The following FYB2 variants were observed in gnomAD, a reference collection of about 807,000 sequenced individuals.
FYB2 encodes the protein FYN binding protein 2.
Under a neutral mutation model 94.1 loss-of-function variants are expected in FYB2, and 103 were observed. The observed-to-expected ratio is 1.09, with a 90% confidence interval of 0.93 to 1.29. FYB2 has a LOEUF of 1.29. FYB2 is among the 50% of genes most tolerant of loss of function. The probability of loss-of-function intolerance (pLI) is 0.00; values close to 1 mark genes in which losing one functional copy is unlikely to be tolerated. For missense variants in FYB2, 896 were observed against 841.5 expected, an observed-to-expected ratio of 1.06 and a Z score of -0.80; for synonymous variants, 293 against 287.9, an observed-to-expected ratio of 1.02 and a Z score of -0.18.
At chr1:56,790,053 A>G (rs1237152589) in intron 2 of FYB2, among the ~76,000 whole-genome samples, 3 of 152,180 alleles carry the variant, frequency 2.0e-5, no homozygotes, top group Non-Finnish European at 4.4e-5. Context: ...AGAAAGTCCA[A>G]TATTATATAT....
chr1:56,736,424 C>CTTTTTT (rs59242700), intron 15 of FYB2, among the ~76,000 whole-genome samples: 9 of 119,986 alleles, frequency 7.5e-5, no homozygotes, highest in South Asian at 2.7e-4. Flanking sequence ...TTAAGGATGG[C>CTTTTTT]TTTTTTTTTT....
Position 56,723,572 on chromosome 1 carries a change from T to A in FYB2, c.1974+16A>T. 1.4e-6 allele frequency: 2 copies of A among 1,439,976 alleles called. No homozygotes were observed. Among genetic ancestry groups the A allele is most frequent in the Non-Finnish European group, 1.9e-6 (2 of 1,049,588 alleles). 89.2% of individuals were successfully genotyped at this position (1,439,976 alleles called of 1,614,324 possible). Reference sequence around the variant, plus strand: ...CTGTTAATATTGCTAATTTTTACCTTCAGAAGAGAACGTACCTTAAACCTT... The same window carrying A: ...CTGTTAATATTGCTAATTTTTACCTACAGAAGAGAACGTACCTTAAACCTT... On this transcript the variant is annotated intron_variant, in intron 17 of 19. Transcript: ENST00000343433.
chr1:56,793,447 T>C (rs1032115190), intron 1 of FYB2, among the ~76,000 whole-genome samples: 4 of 151,984 alleles, frequency 2.6e-5, no homozygotes, highest in African/African-American at 9.6e-5. Flanking sequence ...AAAATATAAC[T>C]CCATTAAAAA....
rs374376375 is a variant in FYB2 at position 56,720,356 on chromosome 1, C to A, written c.1975-27G>T. On this transcript the variant is annotated intron_variant, in intron 17 of 19. Transcript: ENST00000343433. ...TGAAATGAGAAATTACTAATCAGAC[C>A]ATTCTTGCATAGTTGTTATTTTTCA... 305 of 1,553,650 alleles carry A rather than the reference C, an allele frequency of 2.0e-4. No homozygotes were observed. In the Middle Eastern group the frequency reaches 2.5e-3, roughly 13 times the overall value.
chr1:56,755,750 T>A, intron 7 of FYB2, 146 bp downstream of exon 7: 1 of 717,482 alleles, frequency 1.4e-6, no homozygotes. Flanking sequence ...TCACTTCCTC[T>A]GTACTAGGCA....
chr1:56,755,685 G>A (rs746252271), intron 7 of FYB2, among the ~76,000 whole-genome samples: 2 of 152,100 alleles, frequency 1.3e-5, no homozygotes, highest in African/African-American at 2.4e-5. Flanking sequence ...AATGTTTGCT[G>A]AGTGCAGCAT....
the FYB2 span, among the ~76,000 whole-genome samples, chr1:56,825,522 C>A: frequency 1.3e-5 from 2 of 152,174 alleles, no homozygotes; most frequent in Non-Finnish European, 2.9e-5. Flanking sequence ...CCAAGATACA[C>A]AGCGGGGAAC....
intron 7 of FYB2, 28 bp from the exon 8 acceptor site, chr1:56,753,963 A>AC: frequency 6.9e-7 from 1 of 1,456,134 alleles, no homozygotes; most frequent in East Asian, 2.3e-5. Context: ...ACCAGGAAAA[A>AC]AATGAAGCTT....
At chr1:56,735,376 C>A (rs1412941459) in intron 15 of FYB2, among the ~76,000 whole-genome samples, 1 of 152,054 alleles carries the variant, frequency 6.6e-6, no homozygotes, top group Non-Finnish European at 1.5e-5. Flanking sequence ...TTAAGCACGA[C>A]ATGTTCTCAC....
At chr1:56,819,484 GGCC>G (rs1379604153), upstream of FYB2, 3 of 722,106 alleles carry the variant, frequency 4.2e-6, no homozygotes, top group Non-Finnish European at 6.8e-6. Context: ...GGCCAGGGCC[GGCC>G]GCCATCCTCC....
At chr1:56,725,986 G>T (rs11206908) in intron 16 of FYB2, among the ~76,000 whole-genome samples, 39,567 of 151,858 alleles carry the variant, frequency 0.26, 6,169 homozygotes, top group Admixed American at 0.45. Flanking sequence ...ACAACCACTT[G>T]GGAAATTTAA....
chr1:56,789,414 C>T (rs1262157726), intron 2 of FYB2, among the ~76,000 whole-genome samples: 1 of 152,156 alleles, frequency 6.6e-6, no homozygotes, highest in Non-Finnish European at 1.5e-5. Flanking sequence ...TGTCTTGCTT[C>T]CCCCCACTTA....
intron 1 of FYB2, among the ~76,000 whole-genome samples, chr1:56,806,061 T>C (rs1314947788): frequency 6.6e-6 from 1 of 152,204 alleles, no homozygotes; most frequent in Non-Finnish European, 1.5e-5. Context: ...TCCAGACTCA[T>C]CCAACAATTA....
chr1:56,814,290 C>G (rs570922815), intron 1 of FYB2, among the ~76,000 whole-genome samples: 1 of 152,292 alleles, frequency 6.6e-6, no homozygotes, highest in Non-Finnish European at 1.5e-5. Context: ...TTGGGCTGTA[C>G]TCTGTGGGCA....
intron 5 of FYB2, among the ~76,000 whole-genome samples, chr1:56,767,144 A>G (rs1228638974): frequency 6.6e-6 from 1 of 152,210 alleles, no homozygotes; most frequent in Admixed American, 6.5e-5. Flanking sequence ...CAAGCTCACT[A>G]AATACTAGTG....
At position 56,818,078 on chromosome 1, in the gene FYB2, T is replaced by C. The variant is rs548690248; in HGVS notation, c.9+1204A>G. Among the ~76,000 whole-genome samples the C allele has an allele frequency of 2.0e-5, 3 of 152,180 alleles. No homozygotes were observed. In the South Asian group the frequency reaches 6.2e-4, roughly 32 times the overall value. On this transcript the variant is annotated intron_variant, in intron 1 of 19. Transcript: ENST00000343433. ...CCTGGCCCATCAGAGATGGGGAAAATGTAAGTCAGTTTCCTTTTCTTACAA... is the reference window on the plus strand; with the variant it reads ...CCTGGCCCATCAGAGATGGGGAAAACGTAAGTCAGTTTCCTTTTCTTACAA...
At chr1:56,765,493 T>C (rs927015377) in intron 5 of FYB2, among the ~76,000 whole-genome samples, 2 of 152,218 alleles carry the variant, frequency 1.3e-5, no homozygotes, top group South Asian at 2.1e-4. Flanking sequence ...TGAGGGTAGA[T>C]GTCCAAGCTC....
intron 8 of FYB2, 65 bp downstream of exon 8, chr1:56,753,774 T>C: frequency 8.7e-7 from 1 of 1,145,538 alleles, no homozygotes; most frequent in South Asian, 1.3e-5. Flanking sequence ...TCAGGCCATA[T>C]AAAGTCACCC....
chr1:56,801,308 T>C (rs773484816), intron 1 of FYB2, among the ~76,000 whole-genome samples: 1 of 152,160 alleles, frequency 6.6e-6, no homozygotes, highest in Non-Finnish European at 1.5e-5. Context: ...TTTCAAATTA[T>C]TTTTTCTTCC....
Sources: allele counts gnomAD v4.1 joint callset (sites outside exome capture counted in the v4.1 genomes callset), GRCh38; gene constraint gnomAD v4.1.1; transcripts MANE v1.5; gene names NCBI Gene and HGNC (gene_info 2026-07-23, HGNC 2026-07-21).